ALKBH8: variants seen among roughly 807,000 people sequenced by gnomAD.
ALKBH8 encodes alkB homolog 8, tRNA methyltransferase.
Under a neutral mutation model 59.8 loss-of-function variants are expected in ALKBH8, and 36 were observed. The ratio of observed to expected loss-of-function variants is 0.60; its 90% confidence interval spans 0.46 to 0.79. The LOEUF is 0.79. ALKBH8 is among the 30% of genes least tolerant of loss of function. The pLI, the probability that ALKBH8 is intolerant of heterozygous loss-of-function variation, is 0.00. For synonymous variants in ALKBH8, 276 were observed against 273.6 expected, an observed-to-expected ratio of 1.01 and a Z score of -0.09; for missense variants, 768 against 801.0, an observed-to-expected ratio of 0.96 and a Z score of 0.50.
At chr11:107,508,295 C>T (rs1862479262) in intron 11 of ALKBH8, among the ~76,000 whole-genome samples, 1 of 151,584 alleles carries the variant, frequency 6.6e-6, no homozygotes, top group African/African-American at 2.4e-5. Context: ...GTCTCAGTCT[C>T]CTGAGTAGCT....
intron 8 of ALKBH8, 75 bp downstream of exon 8, chr11:107,532,225 G>T: frequency 1.6e-6 from 2 of 1,215,680 alleles, no homozygotes; most frequent in Non-Finnish European, 2.3e-6. Context: ...CACAGGGCAT[G>T]GTCCCCGTGG....
At chr11:107,525,629 T>A (rs76439306) in intron 8 of ALKBH8, 37 bp from the exon 9 acceptor site, 22,390 of 1,304,860 alleles carry the variant, frequency 0.017, 246 homozygotes, top group South Asian at 0.03. Flanking sequence ...CTTAACATTG[T>A]ATTAATAAAA....
chr11:107,550,519 C>A (rs906198674), intron 6 of ALKBH8, among the ~76,000 whole-genome samples: 3 of 152,182 alleles, frequency 2.0e-5, no homozygotes, highest in Admixed American at 1.3e-4. Context: ...CAGGCCTCTG[C>A]GTCTTTAAGA....
chr11:107,516,703 G>A (rs992733838), intron 10 of ALKBH8, among the ~76,000 whole-genome samples: 2 of 152,148 alleles, frequency 1.3e-5, no homozygotes, highest in Admixed American at 1.3e-4. Flanking sequence ...AACTATACAT[G>A]TGATAAGGAA....
chr11:107,545,526 G>A (rs1474923845), intron 7 of ALKBH8, among the ~76,000 whole-genome samples: 4 of 152,176 alleles, frequency 2.6e-5, no homozygotes, highest in South Asian at 4.1e-4. Context: ...ACTGAAAGAC[G>A]TGGCCTTCTA....
intron 10 of ALKBH8, 65 bp downstream of exon 10, chr11:107,522,234 G>A (rs1348991140): frequency 2.0e-6 from 3 of 1,506,902 alleles, no homozygotes; most frequent in Non-Finnish European, 2.7e-6. Flanking sequence ...TATATCATGA[G>A]GAAGAAAGAT....
intron 7 of ALKBH8, among the ~76,000 whole-genome samples, chr11:107,534,988 G>A (rs111349738): frequency 6.6e-6 from 1 of 152,078 alleles, no homozygotes; most frequent in African/African-American, 2.4e-5. Flanking sequence ...TCCCACTTAT[G>A]AGTGAGAACA....
chr11:107,515,541 G>A (rs1862826920), intron 10 of ALKBH8, among the ~76,000 whole-genome samples: 1 of 152,080 alleles, frequency 6.6e-6, no homozygotes, highest in African/African-American at 2.4e-5. Context: ...TTTCTTTGCA[G>A]AGTCAAGGTC....
chr11:107,516,268 A>G (rs1312527683), intron 10 of ALKBH8, among the ~76,000 whole-genome samples: 1 of 152,270 alleles, frequency 6.6e-6, no homozygotes, highest in African/African-American at 2.4e-5. Flanking sequence ...CTCTCAATAT[A>G]CATGTTCATT....
At chr11:107,520,611 G>A (rs929849774) in intron 10 of ALKBH8, among the ~76,000 whole-genome samples, 1 of 152,102 alleles carries the variant, frequency 6.6e-6, no homozygotes, top group South Asian at 2.1e-4. Context: ...ACCTTGTTTT[G>A]AACTGTGGTT....
chr11:107,535,600 G>A (rs891767200), intron 7 of ALKBH8, among the ~76,000 whole-genome samples: 5 of 151,956 alleles, frequency 3.3e-5, no homozygotes, highest in South Asian at 4.2e-4. Flanking sequence ...TTTTTGATAT[G>A]ATTGTTTGTT....
intron 4 of ALKBH8, 111 bp downstream of exon 4, chr11:107,553,736 G>A (rs1284793422): frequency 1.2e-5 from 14 of 1,171,936 alleles, no homozygotes; most frequent in Middle Eastern, 2.8e-4. Context: ...CATTGGATCC[G>A]GGCTAGTTTC....
chr11:107,555,979 C>T (rs1565348205), intron 3 of ALKBH8, among the ~76,000 whole-genome samples: 2 of 152,138 alleles, frequency 1.3e-5, no homozygotes, highest in Non-Finnish European at 2.9e-5. Flanking sequence ...GACAGCACCA[C>T]CATAAAGTTT....
At chr11:107,524,135 T>C (rs1414716945) in intron 9 of ALKBH8, among the ~76,000 whole-genome samples, 1 of 152,098 alleles carries the variant, frequency 6.6e-6, no homozygotes, top group Non-Finnish European at 1.5e-5. Flanking sequence ...CATAGCTCAC[T>C]GCAGCCTCAA....
At chr11:107,529,597 C>T (rs539560247) in intron 8 of ALKBH8, among the ~76,000 whole-genome samples, 49 of 151,936 alleles carry the variant, frequency 3.2e-4, no homozygotes, top group Middle Eastern at 3.4e-3. Flanking sequence ...CTCCGCCTCC[C>T]GGGTTCAAGT....
chr11:107,559,860 AG>A (rs1490371527), intron 2 of ALKBH8, among the ~76,000 whole-genome samples: 1 of 152,156 alleles, frequency 6.6e-6, no homozygotes, highest in Non-Finnish European at 1.5e-5. Flanking sequence ...TATTGGTCTG[AG>A]AGTTGAGAGG....
At chr11:107,559,890 C>T (rs1864868945) in intron 2 of ALKBH8, among the ~76,000 whole-genome samples, 2 of 152,114 alleles carry the variant, frequency 1.3e-5, no homozygotes, top group East Asian at 3.8e-4. Context: ...TTAATCCCTG[C>T]TCCACCTTCT....
At position 107,565,583 on chromosome 11, in the gene ALKBH8, G is replaced by A; in HGVS notation, c.-7+18C>T. 2.0e-6 allele frequency: 3 copies of A among 1,535,750 alleles called. No individual in the cohort carries two copies. The highest frequency in any genetic ancestry group is 2.6e-6 in the Non-Finnish European group (3 of 1,146,908). On this transcript the variant is annotated intron_variant, in intron 1 of 11. Transcript: ENST00000428149. ...TGATTTGCTGCCCGTATGCCCGCCA[G>A]TAAGAAGTGCCACACACCTCCGCTT...
At chr11:107,550,228 A>T (rs1316912173) in intron 6 of ALKBH8, among the ~76,000 whole-genome samples, 1 of 152,238 alleles carries the variant, frequency 6.6e-6, no homozygotes, top group African/African-American at 2.4e-5. Context: ...TAATTACGAT[A>T]TGGACTTCTC....
Sources: allele counts gnomAD v4.1 joint callset (sites outside exome capture counted in the v4.1 genomes callset), GRCh38; gene constraint gnomAD v4.1.1; transcripts MANE v1.5; gene names NCBI Gene and HGNC (gene_info 2026-07-23, HGNC 2026-07-21).